ZMYND11: variants seen among roughly 807,000 people sequenced by gnomAD.
ZMYND11 encodes zinc finger MYND-type containing 11.
A neutral mutation model predicts 84.9 loss-of-function variants in ZMYND11; 9 were observed. The ratio of observed to expected loss-of-function variants is 0.11; its 90% CI spans 0.06 to 0.18. ZMYND11 has a LOEUF of 0.18. Among genes scored for constraint, ZMYND11 ranks in the 10% least tolerant of loss-of-function variants. The pLI is 1.00. For synonymous variants in ZMYND11, 250 were observed against 244.1 expected, an observed-to-expected ratio of 1.02 and a Z score of -0.23; for missense variants, 409 against 761.0, an observed-to-expected ratio of 0.54 and a Z score of 5.44.
chr10:214,537 C>T (rs536351150), intron 3 of ZMYND11, among the ~76,000 whole-genome samples: 5 of 152,300 alleles, frequency 3.3e-5, no homozygotes, highest in African/African-American at 1.2e-4. Context: ...ACCATTTACT[C>T]ATAGGGTCCA....
chr10:234,718 A>G (rs1419546756), intron 4 of ZMYND11, among the ~76,000 whole-genome samples: 1 of 152,212 alleles, frequency 6.6e-6, no homozygotes, highest in Non-Finnish European at 1.5e-5. Context: ...AAGAATGTAC[A>G]TTTTATAAGC....
chr10:247,462 A>T lies in ZMYND11; in HGVS notation c.1223A>T (p.Lys408Met), dbSNP rs752607903. 6.2e-7 allele frequency: 1 copy of T among 1,614,064 alleles called. No homozygotes were observed. The highest frequency in any genetic ancestry group is 8.5e-7 in the Non-Finnish European group (1 of 1,179,940). Residue 408 changes from lysine to methionine, a missense_variant, in exon 12 of 15, where the codon AAG (lysine) becomes ATG (methionine). Lys to Met is a moderately conservative substitution (Grantham distance 95). This residue lies in a region of ZMYND11 where 19 missense variants were observed against 60.5 expected (regional missense o/e 0.31). Transcript: ENST00000381604. ...CGTAATCAAAGTGTGGAGCCCAAAA[A>T]GGAAGTAAGTTGCCCACCTCGCAGT... Reference protein sequence around the residue: ...GRRNQSVEPKKEEPEPETEAV... With the variant: ...GRRNQSVEPKMEEPEPETEAV...
intron 5 of ZMYND11, among the ~76,000 whole-genome samples, 175 bp downstream of exon 5, chr10:237,090 G>A (rs1429635926): frequency 6.6e-6 from 1 of 152,208 alleles, no homozygotes; most frequent in Admixed American, 6.5e-5. Context: ...ATAACAGGCA[G>A]TTAGATTTTC....
At position 180,042 on chromosome 10, in the gene ZMYND11, G is replaced by A. The variant is rs776492669; in HGVS notation, c.30G>A (p.Ala10=). ...CACGTTTAACAAAAAGACGACAGGC[G>A]GATACAAAAGCTATCCAGCATCTTT... is the stretch of plus-strand genomic sequence containing the variant. MARLTKRRQ[A]DTKAIQHLWA... Residue 10 remains alanine, a synonymous_variant, in exon 2 of 15, where the codon GCG becomes GCA. Coordinates refer to ENST00000381604, the MANE Select transcript of ZMYND11 (RefSeq NM_001370100.5). 18 of 1,613,300 alleles carry A rather than the reference G, an allele frequency of 1.1e-5. No homozygotes were observed. Among genetic ancestry groups the A allele is most frequent in the Non-Finnish European group, 1.5e-5 (18 of 1,179,620 alleles).
intron 2 of ZMYND11, among the ~76,000 whole-genome samples, chr10:197,243 C>T (rs367914597): frequency 3.4e-5 from 5 of 146,810 alleles, no homozygotes; most frequent in South Asian, 2.2e-4. Context: ...TCAATACATA[C>T]GCATGGAAGG....
chr10:237,414 A>G (rs1400261001), intron 5 of ZMYND11, among the ~76,000 whole-genome samples, 171 bp from the exon 6 acceptor site: 1 of 152,204 alleles, frequency 6.6e-6, no homozygotes, highest in Non-Finnish European at 1.5e-5. Flanking sequence ...AGGCCAAGGC[A>G]GGAGGATTGC....
At chr10:164,538 T>C (rs1038359054) in intron 1 of ZMYND11, among the ~76,000 whole-genome samples, 1 of 152,178 alleles carries the variant, frequency 6.6e-6, no homozygotes, top group Non-Finnish European at 1.5e-5. Flanking sequence ...CCATTACCCA[T>C]AGTATAAAGA....
rs1448602714 is a variant in ZMYND11, at chr10:252,793, G to T, written c.*323G>T. On this transcript the variant is annotated 3_prime_UTR_variant, in exon 15 of 15. Transcript: ENST00000381604. The surrounding 1 kb of genome is among the most constrained non-coding windows in gnomAD (Gnocchi z 4.6). ...TAAACAACAGATCTTTAAAAAACAG[G>T]TGAATACAAGTGAGTTTAACAAAGA... 2 of 202,948 alleles carry T rather than the reference G, an allele frequency of 9.9e-6. No individual in the cohort carries two copies. The highest frequency in any genetic ancestry group is 4.7e-5 in the African/African-American group (2 of 42,560). 12.6% of individuals were successfully genotyped at this position (202,948 alleles called of 1,614,324 possible). A position where few individuals can be genotyped will look rare whatever the true frequency, so the allele number is the denominator to read the frequency against.
intron 2 of ZMYND11, among the ~76,000 whole-genome samples, chr10:183,595 TA>T (rs1848335414): frequency 6.6e-6 from 1 of 152,232 alleles, no homozygotes; most frequent in South Asian, 2.1e-4. Flanking sequence ...GCTATTTGGT[TA>T]CCATGTGGTA....
intron 1 of ZMYND11, among the ~76,000 whole-genome samples, chr10:139,871 C>T (rs560428116): frequency 3.0e-4 from 45 of 152,206 alleles, no homozygotes; most frequent in African/African-American, 1.1e-3. Context: ...GCCACCACGC[C>T]TGGCTAATTT....
At chr10:206,839 T>A (rs989601029) in intron 2 of ZMYND11, among the ~76,000 whole-genome samples, 12 of 152,104 alleles carry the variant, frequency 7.9e-5, no homozygotes, top group East Asian at 3.8e-4. Flanking sequence ...TTTATTTTTT[T>A]AATTTTTTTA....
chr10:179,376 T>C (rs1341508940), intron 1 of ZMYND11, among the ~76,000 whole-genome samples: 1 of 152,194 alleles, frequency 6.6e-6, no homozygotes, highest in African/African-American at 2.4e-5. Flanking sequence ...TTCCTAATAG[T>C]GTAATAAATA....
intron 1 of ZMYND11, among the ~76,000 whole-genome samples, chr10:176,331 G>A (rs1363904042): frequency 2.0e-5 from 3 of 151,792 alleles, no homozygotes; most frequent in Non-Finnish European, 2.9e-5. Context: ...TTACCAAAAG[G>A]AGCCTGTAAT....
At chr10:214,234 A>T (rs1945773971) in intron 3 of ZMYND11, among the ~76,000 whole-genome samples, 1 of 152,172 alleles carries the variant, frequency 6.6e-6, no homozygotes, top group Non-Finnish European at 1.5e-5. Context: ...TGGTAGAATG[A>T]AAAAAGTAAT....
At chr10:143,673 A>G (rs527452825) in intron 1 of ZMYND11, among the ~76,000 whole-genome samples, 1 of 152,208 alleles carries the variant, frequency 6.6e-6, no homozygotes, top group Non-Finnish European at 1.5e-5. Flanking sequence ...TGTACTTACA[A>G]TTTGGCATTT....
upstream of ZMYND11, among the ~76,000 whole-genome samples, chr10:132,047 T>C (rs1215258342): frequency 2.0e-5 from 3 of 151,962 alleles, no homozygotes; most frequent in African/African-American, 7.2e-5. Context: ...GTTAATCTAA[T>C]AGAGGAGAAG....
At chr10:144,543 T>C (rs116516502) in intron 1 of ZMYND11, among the ~76,000 whole-genome samples, 2,435 of 151,968 alleles carry the variant, frequency 0.016, 62 homozygotes, top group African/African-American at 0.056. Context: ...ATAAACTGTT[T>C]AGAATTTTAG....
At chr10:222,522 C>G (rs953084622) in intron 4 of ZMYND11, among the ~76,000 whole-genome samples, 1 of 152,122 alleles carries the variant, frequency 6.6e-6, no homozygotes, top group African/African-American at 2.4e-5. Context: ...TTGAGGTCTA[C>G]AAGAATGTCT....
rs117659247 is a variant in ZMYND11 at position 225,752 on chromosome 10, G to A, written c.438+4396G>A. 2.4e-3 allele frequency among the ~76,000 whole-genome samples: 365 copies of A among 152,324 alleles called. 9 individuals carry two copies. The East Asian group carries it at 0.057, about 24-fold the overall frequency. On this transcript the variant is annotated intron_variant, in intron 4 of 14. Transcript: ENST00000381604. ...GAGACAGACGTGTGCTTGGACCTGC[G>A]TATGTGTGCATGTGCTCCATGCTTG... is the stretch of plus-strand genomic sequence containing the variant.
Sources: gnomAD v4.1 joint callset for allele counts (sites outside exome capture counted in the v4.1 genomes callset) on GRCh38, gnomAD v4.1.1 for gene constraint, gnomAD v4.1.1 regional missense constraint, Gnocchi (gnomAD v3.1) non-coding constraint, MANE v1.5 for transcripts, NCBI Gene and HGNC (gene_info 2026-07-23, HGNC 2026-07-21) for gene names.